USP32: variants seen among roughly 807,000 people sequenced by gnomAD.
USP32 encodes the protein ubiquitin carboxyl-terminal hydrolase 32.
USP32 carries 59 observed loss-of-function variants against 204.8 expected under a neutral mutation model. The observed-to-expected ratio is 0.29, with a 90% CI of 0.23 to 0.36. The LOEUF is 0.36. Among genes scored for constraint, USP32 ranks in the 10% least tolerant of loss-of-function variants. The pLI is 1.00. For synonymous variants in USP32, 517 were observed against 678.4 expected (o/e 0.76, Z 3.70); for missense variants, 1,160 against 1,946.4 (o/e 0.60, Z 7.60).
intron 9 of USP32, among the ~76,000 whole-genome samples, chr17:60,261,550 G>A (rs1163634335): frequency 6.6e-6 from 1 of 152,040 alleles, no homozygotes; most frequent in African/African-American, 2.4e-5. Context: ...GAAGGCTGAG[G>A]CAGGAGCATC....
Position 60,179,219 on chromosome 17 carries a change from T to A in USP32, c.*36A>T. ...TGTCAGCTACAAGGAGTCATCTCCC[T>A]CACCGCCAAGCTGTCTAGCAGCCAG... On this transcript the variant is annotated 3_prime_UTR_variant, in exon 34 of 34. Coordinates refer to ENST00000300896, the MANE Select transcript of USP32 (RefSeq NM_032582.4). The A allele has an allele frequency of 6.3e-7, 1 of 1,589,740 alleles. No individual in the cohort carries two copies. The highest frequency in any genetic ancestry group is 1.3e-5 in the African/African-American group (1 of 74,520).
rs374183916 is a variant in USP32, at chr17:60,404,458, T to A, written c.106+17788A>T. On this transcript the variant is annotated intron_variant, in intron 1 of 3. Coordinates refer to the USP32 transcript ENST00000588898. ...AGGGCAAATCCCAACTTGATTTTTA[T>A]ACCAAACCTTTAGTTCCTCCTTTGC... 2.6e-5 allele frequency among the ~76,000 whole-genome samples: 4 copies of A among 152,230 alleles called. No homozygotes were observed. In the East Asian group the frequency reaches 5.8e-4, roughly 22 times the overall value.
chr17:60,278,875 A>G (rs1300064752), intron 5 of USP32, among the ~76,000 whole-genome samples: 1 of 152,214 alleles, frequency 6.6e-6, no homozygotes, highest in Non-Finnish European at 1.5e-5. Context: ...ATTAAAACTA[A>G]TCAATTAAAA....
chr17:60,383,107 G>A (rs866508588), intron 1 of USP32, among the ~76,000 whole-genome samples: 8 of 151,838 alleles, frequency 5.3e-5, no homozygotes, highest in South Asian at 4.2e-4. Flanking sequence ...TTAGCTGGGC[G>A]TGGTGGCTTG....
chr17:60,196,270 C>CAAAA lies in USP32; in HGVS notation c.3434+1986_3434+1989dup, dbSNP rs749074954. Among the ~76,000 whole-genome samples, 22 of 129,228 alleles carry CAAAA rather than the reference C, an allele frequency of 1.7e-4. 1 individual carries two copies. Among genetic ancestry groups the CAAAA allele is most frequent in the African/African-American group, 5.9e-4 (17 of 28,934 alleles). The allele number at this position is 129,228 out of a possible 152,430, so 84.8% of individuals were successfully genotyped here. ...ACAGAGCAAGATTCTATCCCCACGC[C>CAAAA]AAAAAAAGAAAAAAAAAAAAGAAGT... On this transcript the variant is annotated intron_variant, in intron 27 of 33. Coordinates refer to ENST00000300896, the MANE Select transcript of USP32 (RefSeq NM_032582.4).
chr17:60,392,047 G>GC lies in USP32; in HGVS notation c.-109dup. On this transcript the variant is annotated 5_prime_UTR_variant, in exon 1 of 34. Coordinates refer to ENST00000300896, the MANE Select transcript of USP32 (RefSeq NM_032582.4). ...GACGGTGACGGTGTCGGCGTCCCCC[G>GC]CCCCCACCTCCCCCCACACTAACAA... 1 of 1,187,552 alleles carries GC rather than the reference G, an allele frequency of 8.4e-7. No homozygotes were observed. 73.6% of individuals were successfully genotyped at this position (1,187,552 alleles called of 1,614,324 possible).
At chr17:60,348,116 C>T (rs1173848147) in intron 1 of USP32, among the ~76,000 whole-genome samples, 2 of 147,402 alleles carry the variant, frequency 1.4e-5, no homozygotes, top group Admixed American at 1.3e-4. Flanking sequence ...AGCGAGACCC[C>T]GTCTCAAAAA....
At chr17:60,421,989 C>G in intron 1 of USP32, 1 of 970,840 alleles carries the variant, frequency 1.0e-6, no homozygotes, top group Middle Eastern at 5.3e-4. Context: ...TTATACACCC[C>G]CAAAACACAC....
chr17:60,249,841 A>C, intron 11 of USP32: 1 of 657,418 alleles, frequency 1.5e-6, no homozygotes, highest in Non-Finnish European at 2.7e-6. Context: ...CCATTCCAGA[A>C]ATCACGATAC....
chr17:60,231,764 T>C, intron 12 of USP32: 1 of 294,754 alleles, frequency 3.4e-6, no homozygotes, highest in South Asian at 3.3e-5. Context: ...AGATACACAT[T>C]ATGTAATGTA....
rs564238541 is a variant in USP32, at chr17:60,177,331, G to A, written c.*1924C>T. The stretch of plus-strand genomic sequence containing the variant: ...ATACTTTTTATACAGTTCATATTTC[G>A]GTACATCAACACTATTTTATTTACA... On this transcript the variant is annotated 3_prime_UTR_variant, in exon 34 of 34. Coordinates refer to ENST00000300896, the MANE Select transcript of USP32 (RefSeq NM_032582.4). Among the ~76,000 whole-genome samples the A allele has an allele frequency of 1.1e-4, 17 of 152,122 alleles. No individual in the cohort carries two copies. Among genetic ancestry groups the A allele is most frequent in the South Asian group, 4.2e-4 (2 of 4,814 alleles).
intron 1 of USP32, among the ~76,000 whole-genome samples, chr17:60,420,637 C>G (rs1339047880): frequency 2.0e-5 from 3 of 152,132 alleles, no homozygotes; most frequent in African/African-American, 4.8e-5. Context: ...ATTGCTCCAG[C>G]CTGGGCAATA....
chr17:60,260,933 C>T lies in USP32; in HGVS notation c.990+4479G>A, dbSNP rs541461368. On this transcript the variant is annotated intron_variant, in intron 9 of 33. Transcript: ENST00000300896. ...AACCCAGAAGAACTGCAAGCTCTGCCACATCATGTATCTCAGTCATGAGGA... is the reference window on the plus strand; with the variant it reads ...AACCCAGAAGAACTGCAAGCTCTGCTACATCATGTATCTCAGTCATGAGGA... 3.9e-5 allele frequency among the ~76,000 whole-genome samples: 6 copies of T among 152,234 alleles called. No individual in the cohort carries two copies. In the East Asian group the frequency reaches 1.2e-3, roughly 29 times the overall value.
At position 60,382,083 on chromosome 17, in the gene USP32, A is replaced by AGTG. The variant is rs2089655669; in HGVS notation, c.58+9796_58+9798dup. On this transcript the variant is annotated intron_variant, in intron 1 of 33. Coordinates refer to ENST00000300896, the MANE Select transcript of USP32 (RefSeq NM_032582.4). ...GATTTAGTGTCTTGAAATTAGGGCC[A>AGTG]GTGTATGATTTCTATTTCCAGAGGC... Among the ~76,000 whole-genome samples the AGTG allele has an allele frequency of 2.6e-5, 4 of 152,350 alleles. No homozygotes were observed. The South Asian group carries it at 8.3e-4, about 32-fold the overall frequency.
rs145944956 is a variant in USP32, at chr17:60,178,152, AACC to A, written c.*1100_*1102del. Reference sequence around the variant, plus strand: ...AGCAAAACTAAAGTTGACTTCCTAAAACCACCAATTTCATTAAATACACTTATG... The same window carrying A: ...AGCAAAACTAAAGTTGACTTCCTAAAACCAATTTCATTAAATACACTTATG... On this transcript the variant is annotated 3_prime_UTR_variant, in exon 34 of 34. Transcript: ENST00000300896. Among the ~76,000 whole-genome samples, 610 of 152,352 alleles carry A rather than the reference AACC, an allele frequency of 4.0e-3. 2 individuals carry two copies. Among genetic ancestry groups the A allele is most frequent in the Non-Finnish European group, 6.8e-3 (465 of 68,042 alleles).
At chr17:60,242,051 T>C (rs1239107645) in intron 11 of USP32, among the ~76,000 whole-genome samples, 1 of 152,204 alleles carries the variant, frequency 6.6e-6, no homozygotes, top group Non-Finnish European at 1.5e-5. Flanking sequence ...AAGCATAGTG[T>C]GAGGTAAGGG....
intron 2 of USP32, chr17:60,315,715 G>A (rs2087959455): frequency 6.6e-6 from 1 of 152,206 alleles, no homozygotes. Flanking sequence ...ACACAGTGAA[G>A]TATTATTTAG....
intron 2 of USP32, among the ~76,000 whole-genome samples, chr17:60,339,935 C>T (rs2145989004): frequency 6.6e-6 from 1 of 152,262 alleles, no homozygotes. Flanking sequence ...AAAGTTCTTT[C>T]CATCTACAAC....
intron 13 of USP32, among the ~76,000 whole-genome samples, chr17:60,223,855 T>C (rs550663226): frequency 2.0e-5 from 3 of 152,234 alleles, no homozygotes; most frequent in Non-Finnish European, 4.4e-5. Context: ...ATGAGAATTA[T>C]ATGTCCTCCG....
Sources: allele counts gnomAD v4.1 joint callset (sites outside exome capture counted in the v4.1 genomes callset), GRCh38; gene constraint gnomAD v4.1.1; transcripts MANE v1.5; gene names NCBI Gene and HGNC (gene_info 2026-07-23, HGNC 2026-07-21).